The following GFRA1 variants were observed in gnomAD, a reference collection of about 807,000 sequenced individuals.
GFRA1 encodes GDNF family receptor alpha-1.
In GFRA1, 16 loss-of-function variants were observed where a neutral mutation model predicts 51.6. That is an observed-to-expected ratio of 0.31 (90% CI 0.21 to 0.47). The LOEUF (loss-of-function observed/expected upper bound fraction) is 0.47, where lower values mean the gene tolerates loss of function less well. Ranked by LOEUF, GFRA1 falls within the 20% of genes least tolerant of loss-of-function variation. The pLI is 1.00. For synonymous variants in GFRA1, 270 were observed against 241.3 expected, an observed-to-expected ratio of 1.12 and a Z score of -1.10; for missense variants, 530 against 594.3, an observed-to-expected ratio of 0.89 and a Z score of 1.13.
chr10:116,132,420 A>G (rs1466235101), intron 5 of GFRA1, among the ~76,000 whole-genome samples: 4 of 152,140 alleles, frequency 2.6e-5, no homozygotes, highest in African/African-American at 7.2e-5. Flanking sequence ...TGCATTAACC[A>G]TATTTTTTTT....
chr10:116,102,813 G>A (rs370137300), intron 6 of GFRA1, among the ~76,000 whole-genome samples: 35 of 152,288 alleles, frequency 2.3e-4, no homozygotes, highest in African/African-American at 8.2e-4. Flanking sequence ...TGAGATTTGG[G>A]TGGGGACACA....
At chr10:116,238,402 G>A (rs1438343802) in intron 4 of GFRA1, among the ~76,000 whole-genome samples, 1 of 152,192 alleles carries the variant, frequency 6.6e-6, no homozygotes, top group East Asian at 1.9e-4. Flanking sequence ...AGACATGGAA[G>A]GCCTGCCTTC....
intron 4 of GFRA1, among the ~76,000 whole-genome samples, chr10:116,223,158 C>T (rs1459768322): frequency 1.3e-5 from 2 of 152,110 alleles, no homozygotes; most frequent in East Asian, 1.9e-4. Context: ...TATCACAGCC[C>T]ACTCCCTCTA....
chr10:116,111,908 C>T (rs917736140), intron 6 of GFRA1, among the ~76,000 whole-genome samples: 1 of 152,192 alleles, frequency 6.6e-6, no homozygotes, highest in African/African-American at 2.4e-5. Flanking sequence ...GGCACAGCAC[C>T]GGTGACTGTC....
In GFRA1 at chr10:116,072,983, C is replaced by T. The variant is rs375104871; in HGVS notation, c.1198-7357G>A. Among the ~76,000 whole-genome samples, 11 of 152,120 alleles carry T rather than the reference C, an allele frequency of 7.2e-5. No homozygotes were observed. In the East Asian group the frequency reaches 1.5e-3, roughly 21 times the overall value. The stretch of plus-strand genomic sequence containing the variant: ...CTGTGGTTGATGGTCATTCTTTGAT[C>T]GAGGCAAAAGTGGGAAATGCAAAAC... On this transcript the variant is annotated intron_variant, in intron 9 of 10. Coordinates refer to ENST00000355422, the MANE Select transcript of GFRA1 (RefSeq NM_005264.8).
chr10:116,173,119 T>C (rs1961209573), intron 5 of GFRA1, among the ~76,000 whole-genome samples: 1 of 152,208 alleles, frequency 6.6e-6, no homozygotes, highest in African/African-American at 2.4e-5. Flanking sequence ...TTTTTTTAAA[T>C]TGGAAATTGC....
intron 4 of GFRA1, among the ~76,000 whole-genome samples, chr10:116,220,613 CT>C (rs1038001925): frequency 3.2e-4 from 49 of 152,174 alleles, no homozygotes; most frequent in Non-Finnish European, 8.8e-5. Flanking sequence ...AGCTTGAATT[CT>C]AAGAAGCTGT....
chr10:116,264,284 A>C lies in GFRA1; in HGVS notation c.418+5219T>G, dbSNP rs540261090. ...CCCAAGCCTACCCTCAAGCACTGTG[A>C]CTCTGTCCAATCCCCTCCCCTCTCT... On this transcript the variant is annotated intron_variant, in intron 4 of 10. Coordinates refer to ENST00000355422, the MANE Select transcript of GFRA1 (RefSeq NM_005264.8). 3.3e-5 allele frequency among the ~76,000 whole-genome samples: 5 copies of C among 152,166 alleles called. No homozygotes were observed. The South Asian group carries it at 1.0e-3, about 32-fold the overall frequency.
intron 5 of GFRA1, among the ~76,000 whole-genome samples, chr10:116,167,974 T>C (rs1201262488): frequency 1.3e-5 from 2 of 152,116 alleles, no homozygotes; most frequent in Non-Finnish European, 1.5e-5. Context: ...GTGAGGAATA[T>C]AGACAACATA....
chr10:116,271,511 A>G (rs181672651), intron 2 of GFRA1, among the ~76,000 whole-genome samples: 1,989 of 152,158 alleles, frequency 0.013, 23 homozygotes, highest in Non-Finnish European at 0.021. Context: ...TCCGAGGAGA[A>G]GTGCGGCGGC....
intron 4 of GFRA1, among the ~76,000 whole-genome samples, chr10:116,252,230 A>G (rs1388918707): frequency 6.6e-6 from 1 of 151,920 alleles, no homozygotes; most frequent in Non-Finnish European, 1.5e-5. Flanking sequence ...TCAGTCTCCA[A>G]GGCTCGCCCA....
chr10:116,262,812 C>T (rs1336448752), intron 4 of GFRA1, among the ~76,000 whole-genome samples: 1 of 152,084 alleles, frequency 6.6e-6, no homozygotes, highest in African/African-American at 2.4e-5. Context: ...TAAGGCATGC[C>T]CTTCTCAGGG....
intron 5 of GFRA1, among the ~76,000 whole-genome samples, chr10:116,204,267 C>G (rs753520227): frequency 6.6e-6 from 1 of 152,180 alleles, no homozygotes; most frequent in African/African-American, 2.4e-5. Flanking sequence ...GGGTTAGAGT[C>G]GAACACATCA....
intron 9 of GFRA1, among the ~76,000 whole-genome samples, chr10:116,070,772 T>C (rs1008279262): frequency 1.4e-4 from 21 of 150,972 alleles, no homozygotes; most frequent in Non-Finnish European, 2.9e-4. Flanking sequence ...TTTTTTTTTT[T>C]TTTTTTTTTG....
intron 5 of GFRA1, among the ~76,000 whole-genome samples, chr10:116,163,871 G>A (rs535955012): frequency 3.3e-5 from 5 of 152,320 alleles, no homozygotes; most frequent in Non-Finnish European, 7.3e-5. Context: ...CTGTGTCCCC[G>A]AGTTTGATCT....
intron 5 of GFRA1, among the ~76,000 whole-genome samples, chr10:116,177,605 G>T (rs1961755055): frequency 6.6e-6 from 1 of 152,174 alleles, no homozygotes; most frequent in Non-Finnish European, 1.5e-5. Flanking sequence ...AATGGGGAAA[G>T]GAGGCACAAA....
intron 4 of GFRA1, among the ~76,000 whole-genome samples, chr10:116,224,665 T>C (rs1010141756): frequency 2.0e-5 from 3 of 151,926 alleles, no homozygotes; most frequent in African/African-American, 7.3e-5. Context: ...GAAAATAGAG[T>C]AATGGTTGCC....
At chr10:116,235,120 T>C (rs1033494072) in intron 4 of GFRA1, among the ~76,000 whole-genome samples, 3 of 152,168 alleles carry the variant, frequency 2.0e-5, no homozygotes, top group African/African-American at 7.2e-5. Context: ...ACTGTGAGAA[T>C]GGACTAATGT....
chr10:116,114,080 GA>G (rs1179178470), intron 6 of GFRA1, among the ~76,000 whole-genome samples: 1 of 152,166 alleles, frequency 6.6e-6, no homozygotes, highest in East Asian at 1.9e-4. Context: ...CATCCAGAGG[GA>G]GGGGGCCATG....
Sources: gnomAD v4.1 joint callset for allele counts (sites outside exome capture counted in the v4.1 genomes callset) on GRCh38, gnomAD v4.1.1 for gene constraint, MANE v1.5 for transcripts, NCBI Gene and HGNC (gene_info 2026-07-23, HGNC 2026-07-21) for gene names.